Variants in RGS6 observed in about 807,000 individuals in gnomAD.
RGS6 encodes the protein regulator of G-protein signaling 6.
A neutral mutation model predicts 78.5 loss-of-function variants in RGS6; 30 were observed. The observed-to-expected ratio is 0.38, with a 90% confidence interval of 0.29 to 0.52. The LOEUF is 0.52. Among genes scored for constraint, RGS6 ranks in the 20% least tolerant of loss-of-function variants. The pLI, the probability that RGS6 is intolerant of heterozygous loss-of-function variation, is 0.85. For synonymous variants in RGS6, 206 were observed against 206.0 expected (o/e 1.00, Z 0.00); for missense variants, 495 against 609.7 (o/e 0.81, Z 1.98).
chr14:72,455,995 T>C (rs1392513973), intron 4 of RGS6, among the ~76,000 whole-genome samples: 2 of 152,178 alleles, frequency 1.3e-5, no homozygotes, highest in Non-Finnish European at 2.9e-5. Context: ...TGGCGAGCAG[T>C]ATGTGAGAAT....
At chr14:72,259,910 C>CAAAAAAAAAAAAAAAAAAAAAAAAAAAAA (rs11287556) in intron 2 of RGS6, among the ~76,000 whole-genome samples, 1 of 68,400 alleles carries the variant, frequency 1.5e-5, no homozygotes, top group Non-Finnish European at 2.3e-5. Context: ...GACTCCGTCT[C>CAAAAAAAAAAAAAAAAAAAAAAAAAAAAA]AAAAAAAAAA....
At chr14:71,903,114 A>G in the RGS6 span, among the ~76,000 whole-genome samples, 1 of 152,194 alleles carries the variant, frequency 6.6e-6, no homozygotes, top group African/African-American at 2.4e-5. Context: ...GGAACCTGGG[A>G]TTTAGGAAGA....
At chr14:72,236,755 G>A (rs2051171233) in intron 2 of RGS6, among the ~76,000 whole-genome samples, 1 of 151,962 alleles carries the variant, frequency 6.6e-6, no homozygotes, top group South Asian at 2.1e-4. Flanking sequence ...CCCAGACAGG[G>A]CTGCGGCCAG....
intron 8 of RGS6, among the ~76,000 whole-genome samples, chr14:72,470,651 G>GA (rs367778700): frequency 5.1e-4 from 77 of 152,050 alleles, no homozygotes; most frequent in African/African-American, 1.7e-3. Flanking sequence ...ACCGAGGTGG[G>GA]GGTGGATCAC....
At chr14:72,024,244 G>A (rs1315466978) in intron 2 of RGS6, among the ~76,000 whole-genome samples, 1 of 152,168 alleles carries the variant, frequency 6.6e-6, no homozygotes, top group Non-Finnish European at 1.5e-5. Flanking sequence ...AAGGCTTGGG[G>A]TTGACTCAGA....
At chr14:71,984,207 A>T (rs951338208) in intron 2 of RGS6, among the ~76,000 whole-genome samples, 3 of 151,958 alleles carry the variant, frequency 2.0e-5, no homozygotes, top group Non-Finnish European at 4.4e-5. Context: ...AGAAGGAGTA[A>T]ATAACTAGTA....
chr14:72,456,795 C>T (rs1362631286), intron 4 of RGS6, among the ~76,000 whole-genome samples: 3 of 151,908 alleles, frequency 2.0e-5, no homozygotes, highest in Admixed American at 6.6e-5. Context: ...AAAAGCAAAC[C>T]GGCCAGACAT....
At chr14:71,918,309 A>G in the RGS6 span, among the ~76,000 whole-genome samples, 1 of 144,406 alleles carries the variant, frequency 6.9e-6, no homozygotes, top group Non-Finnish European at 1.5e-5. Flanking sequence ...GCTTGAGTTT[A>G]TCTCATTTAA....
chr14:72,066,504 T>G (rs2094152073), intron 2 of RGS6, among the ~76,000 whole-genome samples: 2 of 42,406 alleles, frequency 4.7e-5, no homozygotes, highest in East Asian at 4.3e-4. Context: ...AGAAGGGTTT[T>G]TTTTTTTTTT....
At chr14:72,230,963 C>A (rs2049410238) in intron 2 of RGS6, among the ~76,000 whole-genome samples, 1 of 152,142 alleles carries the variant, frequency 6.6e-6, no homozygotes, top group Admixed American at 6.6e-5. Context: ...GTGAGCCAGT[C>A]TGCATGACAC....
intron 2 of RGS6, among the ~76,000 whole-genome samples, chr14:72,317,178 A>G (rs530707405): frequency 1.3e-5 from 2 of 152,214 alleles, no homozygotes; most frequent in African/African-American, 4.8e-5. Context: ...TTTATCTCAT[A>G]GAGATTTGAG....
chr14:72,430,962 C>T (rs1488238853), intron 3 of RGS6, among the ~76,000 whole-genome samples: 2 of 152,150 alleles, frequency 1.3e-5, no homozygotes, highest in Non-Finnish European at 2.9e-5. Context: ...TGGGTCTTTT[C>T]CTTCCCCTGC....
Position 72,435,497 on chromosome 14 carries a change from G to A in RGS6, c.185-19031G>A, listed in dbSNP as rs117272176. On this transcript the variant is annotated intron_variant, in intron 3 of 17. Transcript: ENST00000553525. The stretch of plus-strand genomic sequence containing the variant: ...GTGTGTATGAGTTTTCTATGCTGCT[G>A]CAAATTACTACAAACTTAGTGGCTT... Among the ~76,000 whole-genome samples, 1,376 of 152,326 alleles carry A rather than the reference G, an allele frequency of 9.0e-3. 15 individuals carry two copies. Among genetic ancestry groups the A allele is most frequent in the Middle Eastern group, 0.02 (6 of 294 alleles).
intron 2 of RGS6, among the ~76,000 whole-genome samples, chr14:71,970,141 T>C (rs545396061): frequency 9.8e-5 from 15 of 152,352 alleles, no homozygotes; most frequent in South Asian, 2.1e-4. Flanking sequence ...TTTGTAGTAT[T>C]AATTATATGC....
the RGS6 span, among the ~76,000 whole-genome samples, chr14:72,581,451 A>T: frequency 6.6e-6 from 1 of 152,078 alleles, no homozygotes; most frequent in Admixed American, 6.5e-5. Context: ...TTCTGCATGC[A>T]ATCCAGCCCT....
intron 3 of RGS6, among the ~76,000 whole-genome samples, chr14:72,364,123 A>G (rs990397699): frequency 6.6e-6 from 1 of 151,570 alleles, no homozygotes; most frequent in Admixed American, 6.6e-5. Context: ...CAACACTCTC[A>G]CCTACTTAAC....
chr14:72,239,251 C>T (rs2052074079), intron 2 of RGS6, among the ~76,000 whole-genome samples: 1 of 152,182 alleles, frequency 6.6e-6, no homozygotes, highest in South Asian at 2.1e-4. Context: ...ATTGTGCACA[C>T]ACAGTGTGTT....
intron 2 of RGS6, among the ~76,000 whole-genome samples, chr14:72,268,605 A>T (rs1235659026): frequency 6.6e-6 from 1 of 152,230 alleles, no homozygotes; most frequent in Non-Finnish European, 1.5e-5. Context: ...TTCACCCGAA[A>T]TAGGATTTCA....
intron 1 of RGS6, among the ~76,000 whole-genome samples, chr14:71,962,758 G>A (rs1429460897): frequency 6.6e-6 from 1 of 152,092 alleles, no homozygotes; most frequent in South Asian, 2.1e-4. Context: ...AGTGTTATTC[G>A]AATGGGATAT....
Sources: gnomAD v4.1 joint callset for allele counts (sites outside exome capture counted in the v4.1 genomes callset) on GRCh38, gnomAD v4.1.1 for gene constraint, MANE v1.5 for transcripts, NCBI Gene and HGNC (gene_info 2026-07-23, HGNC 2026-07-21) for gene names.